EVL: variants seen among roughly 807,000 people sequenced by gnomAD.
EVL encodes Enah/Vasp-like, also known as ena/VASP-like protein.
EVL carries 21 observed loss-of-function variants against 59.6 expected under a neutral mutation model. The observed-to-expected ratio is 0.35, with a 90% confidence interval of 0.25 to 0.51. The LOEUF is 0.51. Among genes scored for constraint, EVL ranks in the 20% least tolerant of loss-of-function variants. EVL has a pLI of 0.97. For synonymous variants in EVL, 198 were observed against 203.5 expected (o/e 0.97, Z 0.23); for missense variants, 462 against 546.6 (o/e 0.85, Z 1.54).
chr14:100,130,192 A>G lies in EVL; in HGVS notation c.839+508A>G, dbSNP rs930173825. 2.6e-5 allele frequency among the ~76,000 whole-genome samples: 4 copies of G among 152,162 alleles called. No individual in the cohort carries two copies. Among genetic ancestry groups the G allele is most frequent in the South Asian group, 4.1e-4 (2 of 4,832 alleles). On this transcript the variant is annotated intron_variant, in intron 7 of 13. Coordinates refer to ENST00000392920, the MANE Select transcript of EVL (RefSeq NM_016337.3). This position sits in a 1 kb window ranked among gnomAD's most constrained non-coding sequence, Gnocchi z 4.8. ...TGAGCGACGGAGAGAGAGTAGTTCC[A>G]TCTACATCCCGGCCGGGCTCTTGGG...
chr14:100,029,004 G>A (rs973208859), intron 1 of EVL, among the ~76,000 whole-genome samples: 1 of 152,186 alleles, frequency 6.6e-6, no homozygotes, highest in East Asian at 1.9e-4. Context: ...TGAGGATAAT[G>A]TATAGGAAAG....
intron 2 of EVL, among the ~76,000 whole-genome samples, chr14:100,090,644 A>G (rs1272601366): frequency 6.6e-6 from 1 of 152,254 alleles, no homozygotes; most frequent in African/African-American, 2.4e-5. Flanking sequence ...AGATTGATTT[A>G]ATGGAATAAA....
At chr14:100,025,425 C>G (rs777481013) in intron 1 of EVL, among the ~76,000 whole-genome samples, 3 of 152,220 alleles carry the variant, frequency 2.0e-5, no homozygotes, top group Non-Finnish European at 2.9e-5. Flanking sequence ...GGCTTATGCC[C>G]TGGTCTCTTC....
At chr14:100,003,674 C>T (rs868449880) in intron 1 of EVL, among the ~76,000 whole-genome samples, 1 of 152,156 alleles carries the variant, frequency 6.6e-6, no homozygotes, top group Non-Finnish European at 1.5e-5. Flanking sequence ...CCTCCTTGGT[C>T]TCTCAAAGCA....
chr14:100,062,628 C>G (rs1469292289), upstream of EVL, among the ~76,000 whole-genome samples: 1 of 151,958 alleles, frequency 6.6e-6, no homozygotes, highest in African/African-American at 2.4e-5. Context: ...GACTAAATAC[C>G]CCAATTAAAA....
intron 3 of EVL, among the ~76,000 whole-genome samples, chr14:100,116,366 G>A (rs966251736): frequency 6.6e-6 from 1 of 152,240 alleles, no homozygotes; most frequent in Non-Finnish European, 1.5e-5. Flanking sequence ...CACTGAGCAA[G>A]TGCTGGATCC....
intron 1 of EVL, among the ~76,000 whole-genome samples, chr14:100,028,226 G>GC (rs140184351): frequency 0.021 from 3,147 of 150,452 alleles, 151 homozygotes; most frequent in Admixed American, 0.12. Flanking sequence ...GTGTACAAGG[G>GC]CCCCCCTTTC....
In EVL at chr14:99,982,417, A is replaced by G. The variant is rs118163508; in HGVS notation, c.5+10360A>G. Among the ~76,000 whole-genome samples the G allele has an allele frequency of 8.2e-3, 1,251 of 152,308 alleles. 7 individuals are homozygous for G. Among genetic ancestry groups the G allele is most frequent in the Non-Finnish European group, 0.013 (863 of 68,026 alleles). On this transcript the variant is annotated intron_variant, in intron 1 of 13. Coordinates refer to the EVL transcript ENST00000402714. Reference sequence around the variant, plus strand: ...GGGTATAAACATTTTAAAGGCTATCAATATATACTACCAGAATGTTAATTT... The same window carrying G: ...GGGTATAAACATTTTAAAGGCTATCGATATATACTACCAGAATGTTAATTT...
In EVL at chr14:100,129,576, C is replaced by T; in HGVS notation, c.731C>T (p.Ser244Phe). The change falls in exon 7 of 14, where the codon TCT (serine) becomes TTT (phenylalanine). Residue 244 changes from serine (S) to phenylalanine (F), a missense_variant. Ser to Phe is a radical substitution (Grantham distance 155, BLOSUM62 -2). Transcript: ENST00000392920. ...LRRVQRPEDA[S>F]GGSSPSGTSK... ...CTTTTTCCTCAGCCAGAAGACGCAT[C>T]TGGAGGCTCCAGTCCCAGTGGGACC... is the stretch of plus-strand genomic sequence containing the variant. The T allele has an allele frequency of 1.2e-6, 2 of 1,613,716 alleles. No individual in the cohort carries two copies. The highest frequency in any genetic ancestry group is 1.7e-6 in the Non-Finnish European group (2 of 1,179,928).
At chr14:99,973,112 G>C (rs1309848980) in intron 1 of EVL, among the ~76,000 whole-genome samples, 1 of 152,134 alleles carries the variant, frequency 6.6e-6, no homozygotes, top group African/African-American at 2.4e-5. Context: ...GGATATTGTT[G>C]TGTATCTCCT....
intron 1 of EVL, among the ~76,000 whole-genome samples, chr14:100,045,196 A>G (rs2140238850): frequency 6.6e-6 from 1 of 152,280 alleles, no homozygotes; most frequent in South Asian, 2.1e-4. Flanking sequence ...TGAGTATTAA[A>G]AGAGTGTGTG....
intron 1 of EVL, among the ~76,000 whole-genome samples, chr14:99,991,958 C>CTGTGTGTGTG (rs1491151315): frequency 0.011 from 774 of 73,398 alleles, 6 homozygotes; most frequent in African/African-American, 0.047. Flanking sequence ...TGAGGGTCAA[C>CTGTGTGTGTG]TCTGTGTGTG....
chr14:100,141,171 C>G lies in EVL; in HGVS notation c.1095-9C>G, dbSNP rs1280598704. The G allele has an allele frequency of 1.2e-6, 2 of 1,613,442 alleles. No individual in the cohort carries two copies. The highest frequency in any genetic ancestry group is 2.7e-5 in the African/African-American group (2 of 74,918). ...CAGCCAGGGCACCCACAGGCCCTTT[C>G]TCTCCCAGGATGAAGCCTGCTGGGA... On this transcript the variant is annotated splice_polypyrimidine_tract_variant and intron_variant, in intron 11 of 13. Transcript: ENST00000392920.
chr14:100,036,565 T>G (rs1219364497), intron 1 of EVL, among the ~76,000 whole-genome samples: 1 of 152,168 alleles, frequency 6.6e-6, no homozygotes, highest in Non-Finnish European at 1.5e-5. Context: ...TTTTTTTGTT[T>G]TGCAGTATAT....
chr14:100,137,735 C>T lies in EVL; in HGVS notation c.1032-5C>T, dbSNP rs368000140. 6.8e-5 allele frequency: 110 copies of T among 1,614,090 alleles called. 1 individual carries two copies. Among genetic ancestry groups the T allele is most frequent in the African/African-American group, 6.8e-4 (51 of 75,040 alleles). Reference sequence around the variant, plus strand: ...TCACATGTCTGTTTCATTCCATTGCCGTAGAACCCCGTCTGTGGCAAAGAG... The same window carrying T: ...TCACATGTCTGTTTCATTCCATTGCTGTAGAACCCCGTCTGTGGCAAAGAG... On this transcript the variant is annotated splice_region_variant and splice_polypyrimidine_tract_variant and intron_variant, in intron 10 of 13. Transcript: ENST00000392920.
rs368516400 is a variant in EVL, at chr14:100,026,231, G to GA, written c.5+54185dup. ...ATGCCACTGCACTCCAGTGTCTCAGGAAAAAAAAAAACAAAAAAAAAACAC... is the reference window on the plus strand; with the variant it reads ...ATGCCACTGCACTCCAGTGTCTCAGGAAAAAAAAAAAACAAAAAAAAAACAC... On this transcript the variant is annotated intron_variant, in intron 1 of 13. Coordinates refer to the EVL transcript ENST00000402714. 5.5e-3 allele frequency among the ~76,000 whole-genome samples: 721 copies of GA among 132,230 alleles called. 6 individuals carry two copies. Among genetic ancestry groups the GA allele is most frequent in the Non-Finnish European group, 9.1e-3 (546 of 59,790 alleles). The allele number at this position is 132,230 out of a possible 152,430, so 86.7% of individuals were successfully genotyped here.
chr14:99,996,851 A>G (rs1024201908), intron 1 of EVL, among the ~76,000 whole-genome samples: 3 of 152,158 alleles, frequency 2.0e-5, no homozygotes, highest in Admixed American at 1.3e-4. Flanking sequence ...GGATCTAGCC[A>G]TGTTGCCCAG....
intron 8 of EVL, chr14:100,135,620 A>G: frequency 2.7e-6 from 1 of 367,602 alleles, no homozygotes; most frequent in Non-Finnish European, 5.1e-6. Context: ...AGGGGGGCTC[A>G]GGGCTTGCGG....
chr14:100,038,077 G>C (rs142470827), intron 1 of EVL, among the ~76,000 whole-genome samples: 1,693 of 152,278 alleles, frequency 0.011, 38 homozygotes, highest in Admixed American at 0.039. Flanking sequence ...TTTTCAGTGA[G>C]GGGAAAGTGT....
Sources: gnomAD v4.1 joint callset for allele counts (sites outside exome capture counted in the v4.1 genomes callset) on GRCh38, gnomAD v4.1.1 for gene constraint, Gnocchi (gnomAD v3.1) non-coding constraint, MANE v1.5 for transcripts, NCBI Gene and HGNC (gene_info 2026-07-23, HGNC 2026-07-21) for gene names.